Variants in PTPN7 observed in about 807,000 individuals in gnomAD.
PTPN7 encodes the protein tyrosine-protein phosphatase non-receptor type 7.
A neutral mutation model predicts 50.3 loss-of-function variants in PTPN7; 33 were observed. The observed-to-expected ratio is 0.66, with a 90% CI of 0.50 to 0.88. The LOEUF (loss-of-function observed/expected upper bound fraction) is 0.88. PTPN7 is among the 40% of genes least tolerant of loss of function. The pLI is 0.00. For missense variants in PTPN7, 412 were observed against 475.4 expected, an observed-to-expected ratio of 0.87 and a Z score of 1.24; for synonymous variants, 185 against 186.6, an observed-to-expected ratio of 0.99 and a Z score of 0.07.
intron 3 of PTPN7, 132 bp from the exon 4 acceptor site, chr1:202,157,955 C>T: frequency 1.6e-6 from 2 of 1,218,208 alleles, no homozygotes; most frequent in Non-Finnish European, 2.3e-6. Flanking sequence ...GGGGTGGGGG[C>T]AGAAGGGGAA....
In PTPN7 at chr1:202,152,718, A is replaced by G. The variant is rs771678591; in HGVS notation, c.718-19T>C. 14 of 1,613,072 alleles carry G rather than the reference A, an allele frequency of 8.7e-6. No homozygotes were observed. The East Asian group carries it at 2.7e-4, about 31-fold the overall frequency. On this transcript the variant is annotated intron_variant, in intron 7 of 9. Transcript: ENST00000691036. ...CCTGGTACTGGATTGGAGACAAGGCATGAGAACCAAGGTCAGGGTGGAGGG... is the reference window on the plus strand; with the variant it reads ...CCTGGTACTGGATTGGAGACAAGGCGTGAGAACCAAGGTCAGGGTGGAGGG...
chr1:202,150,389 G>A lies in PTPN7; in HGVS notation c.911C>T (p.Thr304Met), dbSNP rs369603289. The change falls in exon 9 of 10, where the codon ACG (threonine) becomes ATG (methionine). Residue 304 changes from threonine (T) to methionine (M), a missense_variant. Coordinates refer to ENST00000691036, the MANE Select transcript of PTPN7 (RefSeq NM_002832.4). ...TTTCAGCTGTTGACAGCCAATTCGC[G>A]TGGCGATGAAGCAGCCCGTCCGGCC... is the stretch of plus-strand genomic sequence containing the variant. ...GIGRTGCFIA[T>M]RIGCQQLKAR... 2.2e-5 allele frequency: 36 copies of A among 1,612,026 alleles called. No homozygotes were observed. Among genetic ancestry groups the A allele is most frequent in the Admixed American group, 5.0e-5 (3 of 59,874 alleles).
In PTPN7 at chr1:202,160,224, G is replaced by A. The variant is rs140138445; in HGVS notation, c.-53+321C>T. On this transcript the variant is annotated intron_variant, in intron 1 of 9. Transcript: ENST00000691036. The surrounding 1 kb of genome is among the most constrained non-coding windows in gnomAD (Gnocchi z 4.8). ...CAGAGCCAGGGTCACAGTGGGCGAG[G>A]TGGCGGGGGTGTTGAATCACCAAGG... 2.9e-4 allele frequency among the ~76,000 whole-genome samples: 44 copies of A among 152,268 alleles called. 1 individual carries two copies. In the East Asian group the frequency reaches 8.5e-3, roughly 29 times the overall value.
rs1421850264 is a variant in PTPN7, at chr1:202,153,854, G to T, written c.607-19C>A. On this transcript the variant is annotated intron_variant, in intron 6 of 9. Coordinates refer to ENST00000691036, the MANE Select transcript of PTPN7 (RefSeq NM_002832.4). ...CACATTTCTAGGAGGGAGGGAGCTG[G>T]GAGTCAGAAGAGGGTCAGCTGGAGC... The T allele has an allele frequency of 6.3e-7, 1 of 1,594,352 alleles. No homozygotes were observed. Among genetic ancestry groups the T allele is most frequent in the East Asian group, 2.2e-5 (1 of 44,762 alleles).
At chr1:202,155,344 C>T (rs538735718) in intron 5 of PTPN7, among the ~76,000 whole-genome samples, 189 bp downstream of exon 5, 3 of 152,176 alleles carry the variant, frequency 2.0e-5, no homozygotes, top group Admixed American at 1.3e-4. Context: ...ACATCTGCTC[C>T]GTTTTTTAGG....
chr1:202,147,040 T>C lies in PTPN7; in HGVS notation c.*1566A>G, dbSNP rs1655406678. 1 of 152,072 alleles carries C rather than the reference T, an allele frequency of 6.6e-6. No individual in the cohort carries two copies. The highest frequency in any genetic ancestry group is 6.5e-5 in the Admixed American group (1 of 15,270). 9.4% of individuals were successfully genotyped at this position (152,072 alleles called of 1,614,324 possible). A position where few individuals can be genotyped will look rare whatever the true frequency, so the allele number is the denominator to read the frequency against. On this transcript the variant is annotated 3_prime_UTR_variant, in exon 10 of 10. Transcript: ENST00000691036. ...GTCAGTCATCCAAGAAGTCTTTATT[T>C]TCCCACTTGGTTACTGTTCTGGAGC...
rs2147857499 is a variant in PTPN7 at position 202,160,474 on chromosome 1, G to A, written c.-53+71C>T. 2 of 1,431,440 alleles carry A rather than the reference G, an allele frequency of 1.4e-6. No individual in the cohort carries two copies. Among genetic ancestry groups the A allele is most frequent in the South Asian group, 1.3e-5 (1 of 75,094 alleles). 88.7% of individuals were successfully genotyped at this position (1,431,440 alleles called of 1,614,324 possible). A position where few individuals can be genotyped will look rare whatever the true frequency, so the allele number is the denominator to read the frequency against. ...CCCTCCCGCACTCCCTCCTAGAGATGCCCTCTTATATCCCCGGAGTTCGCA... is the reference window on the plus strand; with the variant it reads ...CCCTCCCGCACTCCCTCCTAGAGATACCCTCTTATATCCCCGGAGTTCGCA... On this transcript the variant is annotated intron_variant, in intron 1 of 9. Coordinates refer to ENST00000691036, the MANE Select transcript of PTPN7 (RefSeq NM_002832.4). The surrounding 1 kb of genome is among the most constrained non-coding windows in gnomAD (Gnocchi z 4.8).
chr1:202,148,847 CTTTTTTT>C (rs10652170), intron 9 of PTPN7, 148 bp from the exon 10 acceptor site: 74 of 137,526 alleles, frequency 5.4e-4, no homozygotes, highest in Middle Eastern at 2.9e-3. Context: ...CATCTTTTCA[CTTTTTTT>C]TTTTTTTTTT....
At chr1:202,154,439 C>T (rs886066481) in intron 5 of PTPN7, 116 bp from the exon 6 acceptor site, 7 of 1,229,712 alleles carry the variant, frequency 5.7e-6, no homozygotes, top group East Asian at 5.0e-5. Flanking sequence ...CACGTGTAGA[C>T]GTACACATGC....
intron 5 of PTPN7, among the ~76,000 whole-genome samples, chr1:202,155,233 T>G (rs1656521325): frequency 6.6e-6 from 1 of 152,164 alleles, no homozygotes; most frequent in Admixed American, 6.5e-5. Flanking sequence ...AGCTGGAGAT[T>G]GGGTTCAACA....
rs1350777371 is a variant in PTPN7, at chr1:202,160,434, G to A, written c.-53+111C>T. On this transcript the variant is annotated intron_variant, in intron 1 of 9. Coordinates refer to ENST00000691036, the MANE Select transcript of PTPN7 (RefSeq NM_002832.4). This position sits in a 1 kb window ranked among gnomAD's most constrained non-coding sequence, Gnocchi z 4.8. ...AGCACCCATACCCCAGCCAGGCACT[G>A]TGGCGCCCCACTCGCCCTCCCGCAC... The A allele has an allele frequency of 2.6e-6, 3 of 1,149,528 alleles. No homozygotes were observed. Among genetic ancestry groups the A allele is most frequent in the East Asian group, 2.6e-5 (1 of 38,590 alleles). The allele number at this position is 1,149,528 out of a possible 1,614,324, so 71.2% of individuals were successfully genotyped here. A position where few individuals can be genotyped will look rare whatever the true frequency, so the allele number is the denominator to read the frequency against.
Position 202,160,127 on chromosome 1 carries a change from C to T in PTPN7, c.-53+418G>A, listed in dbSNP as rs1430611563. ...CCTTGAACGACAGCGCATGGTGAGG[C>T]GACAGCTGGGGGCAAGACAGGAGGC... On this transcript the variant is annotated intron_variant, in intron 1 of 9. Coordinates refer to ENST00000691036, the MANE Select transcript of PTPN7 (RefSeq NM_002832.4). This position sits in a 1 kb window ranked among gnomAD's most constrained non-coding sequence, Gnocchi z 4.8. 1 of 373,984 alleles carries T rather than the reference C, an allele frequency of 2.7e-6. No homozygotes were observed. Among genetic ancestry groups the T allele is most frequent in the Non-Finnish European group, 3.8e-6 (1 of 263,284 alleles). 23.2% of individuals were successfully genotyped at this position (373,984 alleles called of 1,614,324 possible). A position where few individuals can be genotyped will look rare whatever the true frequency, so the allele number is the denominator to read the frequency against.
At position 202,160,455 on chromosome 1, in the gene PTPN7, C is replaced by G; in HGVS notation, c.-53+90G>C. On this transcript the variant is annotated intron_variant, in intron 1 of 9. Coordinates refer to ENST00000691036, the MANE Select transcript of PTPN7 (RefSeq NM_002832.4). The surrounding 1 kb of genome is among the most constrained non-coding windows in gnomAD (Gnocchi z 4.8). The stretch of plus-strand genomic sequence containing the variant: ...CACTGTGGCGCCCCACTCGCCCTCC[C>G]GCACTCCCTCCTAGAGATGCCCTCT... The G allele has an allele frequency of 7.5e-7, 1 of 1,338,750 alleles. No individual in the cohort carries two copies. The highest frequency in any genetic ancestry group is 1.0e-6 in the Non-Finnish European group (1 of 979,612). 82.9% of individuals were successfully genotyped at this position (1,338,750 alleles called of 1,614,324 possible).
rs370063601 is a variant in PTPN7 at position 202,152,583 on chromosome 1, C to G, written c.834G>C (p.Pro278=). 1 of 1,613,714 alleles carries G rather than the reference C, an allele frequency of 6.2e-7. No homozygotes were observed. The highest frequency in any genetic ancestry group is 8.5e-7 in the Non-Finnish European group (1 of 1,180,018). The part of the protein sequence containing the change: ...LRLVAEVEES[P]ETAAHPGPIV... ...TAGGCCCGGGGTGGGCGGCTGTCTC[C>G]GGGCTCTCCTCCACCTCTGCCACTA... is the stretch of plus-strand genomic sequence containing the variant. The change falls in exon 8 of 10, where the codon CCG becomes CCC. Residue 278 remains proline, a synonymous_variant. Transcript: ENST00000691036.
rs1184133502 is a variant in PTPN7 at position 202,160,292 on chromosome 1, G to A, written c.-53+253C>T. On this transcript the variant is annotated intron_variant, in intron 1 of 9. Transcript: ENST00000691036. The surrounding 1 kb of genome is among the most constrained non-coding windows in gnomAD (Gnocchi z 4.8). ...AGGGGACAGAATGGGCCTGGCACAG[G>A]TGTGAGTGGTAGAGCGAGGGTCTCT... Among the ~76,000 whole-genome samples the A allele has an allele frequency of 6.6e-6, 1 of 152,104 alleles. No individual in the cohort carries two copies. The highest frequency in any genetic ancestry group is 1.5e-5 in the Non-Finnish European group (1 of 68,000).
At position 202,160,172 on chromosome 1, in the gene PTPN7, C is replaced by T. The variant is rs1372856670; in HGVS notation, c.-53+373G>A. ...GGAGGCATGGAGGTGGTGGGACCAT[C>T]TCCTCTTGGGGGCAGTCCCTATCTC... is the stretch of plus-strand genomic sequence containing the variant. On this transcript the variant is annotated intron_variant, in intron 1 of 9. Transcript: ENST00000691036. This position sits in a 1 kb window ranked among gnomAD's most constrained non-coding sequence, Gnocchi z 4.8. 2.0e-5 allele frequency among the ~76,000 whole-genome samples: 3 copies of T among 152,108 alleles called. No homozygotes were observed. The highest frequency in any genetic ancestry group is 4.4e-5 in the Non-Finnish European group (3 of 68,016).
rs1166773456 is a variant in PTPN7 at position 202,157,759 on chromosome 1, C to T, written c.371G>A (p.Arg124Gln). 13 of 1,613,824 alleles carry T rather than the reference C, an allele frequency of 8.1e-6. No homozygotes were observed. Among genetic ancestry groups the T allele is most frequent in the South Asian group, 2.2e-5 (2 of 91,084 alleles). Residue 124 changes from arginine (R) to glutamine (Q), a missense_variant, in exon 4 of 10, where the codon CGA becomes CAA. Coordinates refer to ENST00000691036, the MANE Select transcript of PTPN7 (RefSeq NM_002832.4). ...LDIPGHASKD[R>Q]YKTILPNPQS... ...CTTACTTGGCAAGATGGTCTTGTAT[C>T]GGTCCTTGGAGGCGTGGCCAGGGAT...
rs1368148267 is a variant in PTPN7, at chr1:202,157,807, A to G, written c.323T>C (p.Phe108Ser). ...GATGTCCAGGTCTTCGGGGCTGACA[A>G]AGTTTGAAGGGATCTTCTGGCAGGG... ...EEEFLKIPSN[F>S]VSPEDLDIPG... is the part of the protein sequence containing the mutation. The change falls in exon 4 of 10, where the codon TTT becomes TCT. Residue 108 changes from phenylalanine (F) to serine (S), a missense_variant. By Grantham distance (155) the Phe-to-Ser change is radical. Transcript: ENST00000691036. 3.1e-6 allele frequency: 5 copies of G among 1,614,054 alleles called. No homozygotes were observed. Among genetic ancestry groups the G allele is most frequent in the Non-Finnish European group, 4.2e-6 (5 of 1,179,950 alleles).
chr1:202,152,555 C>A lies in PTPN7; in HGVS notation c.862G>T (p.Val288Leu). The change falls in exon 8 of 10, where the codon GTA (valine) becomes TTA (leucine). Residue 288 changes from valine to leucine, a missense_variant. Coordinates refer to ENST00000691036, the MANE Select transcript of PTPN7 (RefSeq NM_002832.4). The part of the protein sequence containing the change: ...PETAAHPGPI[V>L]VHCSAGIGRT... Reference sequence around the variant, plus strand: ...AGGGCCACGCACCTGCAGTGGACTACGATAGGCCCGGGGTGGGCGGCTGTC... The same window carrying A: ...AGGGCCACGCACCTGCAGTGGACTAAGATAGGCCCGGGGTGGGCGGCTGTC... 1 of 1,612,824 alleles carries A rather than the reference C, an allele frequency of 6.2e-7. No individual in the cohort carries two copies. Among genetic ancestry groups the A allele is most frequent in the African/African-American group, 1.3e-5 (1 of 75,022 alleles).
Sources: gnomAD v4.1 joint callset for allele counts (sites outside exome capture counted in the v4.1 genomes callset) on GRCh38, gnomAD v4.1.1 for gene constraint, Gnocchi (gnomAD v3.1) non-coding constraint, MANE v1.5 for transcripts, NCBI Gene and HGNC (gene_info 2026-07-23, HGNC 2026-07-21) for gene names.